Variants in SKAP2 observed in about 807,000 individuals in gnomAD.
SKAP2 encodes src kinase-associated phosphoprotein 2.
A neutral mutation model predicts 54.9 loss-of-function variants in SKAP2; 28 were observed. That is an observed-to-expected ratio of 0.51 (90% confidence interval 0.38 to 0.70). The LOEUF is 0.70. Among genes scored for constraint, SKAP2 ranks in the 30% least tolerant of loss-of-function variants. SKAP2 has a pLI of 0.00. For synonymous variants in SKAP2, 137 were observed against 134.3 expected, an observed-to-expected ratio of 1.02 and a Z score of -0.14; for missense variants, 356 against 424.1, an observed-to-expected ratio of 0.84 and a Z score of 1.41.
At chr7:26,707,063 T>C (rs1418737573) in intron 9 of SKAP2, among the ~76,000 whole-genome samples, 2 of 152,168 alleles carry the variant, frequency 1.3e-5, no homozygotes, top group African/African-American at 4.8e-5. Flanking sequence ...TTTCTTCTTG[T>C]CAAGAAGTAA....
At chr7:26,844,206 T>A in intron 3 of SKAP2, 69 bp from the exon 4 acceptor site, 1 of 896,628 alleles carries the variant, frequency 1.1e-6, no homozygotes, top group Non-Finnish European at 1.8e-6. Flanking sequence ...TGTTACTTAA[T>A]GTTAATGTTA....
intron 4 of SKAP2, among the ~76,000 whole-genome samples, chr7:26,748,218 G>A (rs1289157573): frequency 6.6e-6 from 1 of 151,954 alleles, no homozygotes; most frequent in Non-Finnish European, 1.5e-5. Flanking sequence ...TTTCTGATTC[G>A]TTGGTCTAAC....
downstream of SKAP2, among the ~76,000 whole-genome samples, chr7:26,664,682 T>C (rs2128081948): frequency 1.4e-5 from 2 of 147,228 alleles, no homozygotes; most frequent in East Asian, 4.0e-4. Flanking sequence ...AGGGCTGTGC[T>C]ATATTGCCTC....
At chr7:26,775,136 T>C (rs2127976358) in intron 4 of SKAP2, among the ~76,000 whole-genome samples, 1 of 152,250 alleles carries the variant, frequency 6.6e-6, no homozygotes, top group South Asian at 2.1e-4. Flanking sequence ...CATAAACATA[T>C]ACACACACAT....
At chr7:26,849,615 G>A (rs781155692) in intron 3 of SKAP2, among the ~76,000 whole-genome samples, 1 of 150,392 alleles carries the variant, frequency 6.6e-6, no homozygotes, top group Non-Finnish European at 1.5e-5. Context: ...AACCCAGGAG[G>A]TAGAGGTTGT....
chr7:26,655,277 G>GT, the SKAP2 span, among the ~76,000 whole-genome samples: 1 of 152,166 alleles, frequency 6.6e-6, no homozygotes, highest in Non-Finnish European at 1.5e-5. Flanking sequence ...AGTATCTACT[G>GT]TACAGTAACC....
chr7:26,862,460 T>G (rs1175540036), intron 1 of SKAP2, among the ~76,000 whole-genome samples: 1 of 152,056 alleles, frequency 6.6e-6, no homozygotes, highest in Non-Finnish European at 1.5e-5. Flanking sequence ...ATTGTAATAT[T>G]TTTTAATACT....
intron 9 of SKAP2, among the ~76,000 whole-genome samples, chr7:26,721,197 T>C (rs1010936417): frequency 2.0e-5 from 3 of 152,170 alleles, no homozygotes; most frequent in Admixed American, 6.5e-5. Context: ...TACCACAGAC[T>C]GCAGGGTCCC....
intron 1 of SKAP2, among the ~76,000 whole-genome samples, chr7:26,861,476 C>T (rs1471630435): frequency 6.6e-6 from 1 of 151,928 alleles, no homozygotes. Flanking sequence ...TTCATATAAC[C>T]AAAAGAATAA....
chr7:26,752,869 A>G (rs1229752134), intron 4 of SKAP2, among the ~76,000 whole-genome samples: 1 of 152,208 alleles, frequency 6.6e-6, no homozygotes, highest in East Asian at 1.9e-4. Flanking sequence ...TTTTAAGCAT[A>G]TACCTACTTT....
At chr7:26,790,319 GT>G (rs1441772573) in intron 4 of SKAP2, among the ~76,000 whole-genome samples, 1 of 152,172 alleles carries the variant, frequency 6.6e-6, no homozygotes, top group Non-Finnish European at 1.5e-5. Context: ...AAAATTGGAT[GT>G]TGTGGCTGAT....
intron 4 of SKAP2, among the ~76,000 whole-genome samples, chr7:26,770,240 C>T (rs889728185): frequency 1.3e-5 from 2 of 152,114 alleles, no homozygotes; most frequent in Non-Finnish European, 2.9e-5. Flanking sequence ...TTCTGGGTGG[C>T]TTTGTTTACA....
intron 4 of SKAP2, among the ~76,000 whole-genome samples, chr7:26,767,094 G>A (rs188840350): frequency 2.6e-4 from 40 of 152,124 alleles, no homozygotes; most frequent in Admixed American, 1.1e-3. Flanking sequence ...AATCCATTTG[G>A]TCCTGGGATT....
intron 4 of SKAP2, among the ~76,000 whole-genome samples, chr7:26,820,296 A>T (rs1372044537): frequency 6.6e-6 from 1 of 152,212 alleles, no homozygotes; most frequent in Non-Finnish European, 1.5e-5. Flanking sequence ...AAGTTTTCTC[A>T]AAAGTTACCT....
At chr7:26,771,170 A>G (rs992218805) in intron 4 of SKAP2, among the ~76,000 whole-genome samples, 5 of 152,336 alleles carry the variant, frequency 3.3e-5, no homozygotes, top group Admixed American at 3.3e-4. Context: ...AAGTGTTACA[A>G]CTTGTTAATA....
intron 1 of SKAP2, among the ~76,000 whole-genome samples, chr7:26,864,055 T>TCACACACTCACACACACACACACACACA (rs1554310124): frequency 1.1e-4 from 16 of 143,436 alleles, no homozygotes; most frequent in African/African-American, 4.2e-4. Context: ...CGCCCTTCTG[T>TCACACACTCACACACACACACACACACA]CACACACACA....
At chr7:26,786,680 C>G (rs1409505018) in intron 4 of SKAP2, among the ~76,000 whole-genome samples, 1 of 152,166 alleles carries the variant, frequency 6.6e-6, no homozygotes, top group Non-Finnish European at 1.5e-5. Context: ...ATAATAAACA[C>G]GTGCCCTAGC....
chr7:26,661,295 G>A, the SKAP2 span, among the ~76,000 whole-genome samples: 1 of 152,006 alleles, frequency 6.6e-6, no homozygotes, highest in Non-Finnish European at 1.5e-5. Context: ...AGGCTAATTA[G>A]AGAAAATAAA....
intron 4 of SKAP2, among the ~76,000 whole-genome samples, chr7:26,762,375 T>C (rs1208151978): frequency 1.3e-5 from 2 of 152,194 alleles, no homozygotes; most frequent in Non-Finnish European, 2.9e-5. Context: ...CTAGCTGTCT[T>C]TGAACTGCCT....
Sources: allele counts gnomAD v4.1 joint callset (sites outside exome capture counted in the v4.1 genomes callset), GRCh38; gene constraint gnomAD v4.1.1; transcripts MANE v1.5; gene names NCBI Gene and HGNC (gene_info 2026-07-23, HGNC 2026-07-21).